SLC10A7: variants seen among roughly 807,000 people sequenced by gnomAD.
SLC10A7 encodes sodium/bile acid cotransporter 7.
A neutral mutation model predicts 43.2 loss-of-function variants in SLC10A7; 29 were observed. The observed-to-expected ratio is 0.67, with a 90% CI of 0.50 to 0.92. The LOEUF (loss-of-function observed/expected upper bound fraction) is 0.92. Among genes scored for constraint, SLC10A7 ranks in the 40% least tolerant of loss-of-function variants. The pLI is 0.00. For missense variants in SLC10A7, 295 were observed against 403.2 expected (o/e 0.73, Z 2.30); for synonymous variants, 152 against 144.8 (o/e 1.05, Z -0.35).
intron 4 of SLC10A7, among the ~76,000 whole-genome samples, chr4:146,443,989 G>A (rs1241938572): frequency 7.9e-5 from 12 of 152,148 alleles, no homozygotes; most frequent in African/African-American, 2.9e-4. Context: ...TCCTGACAGG[G>A]ACAATGGCAT....
intron 4 of SLC10A7, among the ~76,000 whole-genome samples, chr4:146,487,385 C>T (rs1233014358): frequency 1.3e-5 from 2 of 152,164 alleles, no homozygotes; most frequent in Admixed American, 1.3e-4. Context: ...AGCTTCCTTG[C>T]ACCCTAGAGC....
intron 5 of SLC10A7, among the ~76,000 whole-genome samples, chr4:146,420,202 T>C (rs527374848): frequency 6.6e-6 from 1 of 152,346 alleles, no homozygotes; most frequent in South Asian, 2.1e-4. Context: ...ATCTACTATA[T>C]CTACCTCTGG....
chr4:146,313,166 C>T (rs534646345), intron 6 of SLC10A7, among the ~76,000 whole-genome samples: 8 of 152,240 alleles, frequency 5.3e-5, no homozygotes, highest in East Asian at 1.9e-4. Flanking sequence ...TGACCCTACC[C>T]GCTTAAGGAG....
intron 2 of SLC10A7, among the ~76,000 whole-genome samples, chr4:146,510,551 G>T (rs536963993): frequency 1.4e-3 from 215 of 152,104 alleles, no homozygotes; most frequent in Non-Finnish European, 1.5e-3. Context: ...GAGCCACCAC[G>T]CCTGGCCTAA....
intron 10 of SLC10A7, among the ~76,000 whole-genome samples, chr4:146,262,234 A>G (rs1728273702): frequency 2.6e-5 from 4 of 152,238 alleles, no homozygotes; most frequent in African/African-American, 9.6e-5. Flanking sequence ...GTCAGAATAG[A>G]AAGAGAAGTT....
At chr4:146,520,000 A>C (rs1374613895) in intron 1 of SLC10A7, among the ~76,000 whole-genome samples, 3 of 152,244 alleles carry the variant, frequency 2.0e-5, no homozygotes, top group Non-Finnish European at 4.4e-5. Context: ...TGCAGAATCT[A>C]TCTCATACAT....
At chr4:146,263,393 T>G (rs1041991160) in intron 10 of SLC10A7, among the ~76,000 whole-genome samples, 1 of 152,230 alleles carries the variant, frequency 6.6e-6, no homozygotes, top group Non-Finnish European at 1.5e-5. Context: ...AAAAGGAGTG[T>G]GTTGAATGAA....
chr4:146,519,255 T>C (rs1738383415), intron 1 of SLC10A7, among the ~76,000 whole-genome samples: 1 of 142,414 alleles, frequency 7.0e-6, no homozygotes, highest in South Asian at 2.1e-4. Context: ...ATATATTTTA[T>C]ATAATATATA....
intron 5 of SLC10A7, among the ~76,000 whole-genome samples, chr4:146,354,129 T>G (rs1024550748): frequency 4.8e-5 from 7 of 147,310 alleles, no homozygotes; most frequent in Admixed American, 6.8e-5. Flanking sequence ...GATTGTTTAT[T>G]TAGAAAACCC....
At chr4:146,504,302 G>A (rs1045412289) in intron 3 of SLC10A7, among the ~76,000 whole-genome samples, 4 of 152,028 alleles carry the variant, frequency 2.6e-5, no homozygotes, top group African/African-American at 4.8e-5. Context: ...GGCAGATCAC[G>A]AGGTCAGGAG....
In SLC10A7 at chr4:146,254,026, A is replaced by T. The variant is rs1328012052; in HGVS notation, c.*2465T>A. ...TTTGTTTAATCATATAATTATTTTC[A>T]TCTTCCAGTCATCATAAATAATCCA... On this transcript the variant is annotated 3_prime_UTR_variant, in exon 12 of 12. Coordinates refer to ENST00000335472, the MANE Select transcript of SLC10A7 (RefSeq NM_001029998.6). 1 of 152,202 alleles carries T rather than the reference A, an allele frequency of 6.6e-6. No homozygotes were observed. The highest frequency in any genetic ancestry group is 1.5e-5 in the Non-Finnish European group (1 of 68,024). 9.4% of individuals were successfully genotyped at this position (152,202 alleles called of 1,614,324 possible).
At chr4:146,346,109 A>G (rs969062479) in intron 5 of SLC10A7, among the ~76,000 whole-genome samples, 16 of 152,152 alleles carry the variant, frequency 1.1e-4, no homozygotes, top group Non-Finnish European at 1.9e-4. Context: ...TATGGGCCCA[A>G]TCTCCATTTA....
At chr4:146,303,903 G>C in intron 7 of SLC10A7, among the ~76,000 whole-genome samples, 1 of 151,692 alleles carries the variant, frequency 6.6e-6, no homozygotes, top group Admixed American at 6.6e-5. Flanking sequence ...TGAACCTAGA[G>C]CTAGGGAGAT....
chr4:146,418,769 CAG>C (rs938145918), intron 5 of SLC10A7, among the ~76,000 whole-genome samples: 4 of 152,168 alleles, frequency 2.6e-5, no homozygotes, highest in African/African-American at 9.6e-5. Context: ...TCTCCACCTG[CAG>C]AGAGTGTCAG....
chr4:146,496,885 T>C (rs1292889665), intron 4 of SLC10A7, among the ~76,000 whole-genome samples: 1 of 152,192 alleles, frequency 6.6e-6, no homozygotes, highest in African/African-American at 2.4e-5. Flanking sequence ...TAAGACGTTA[T>C]TATCCTTATT....
intron 1 of SLC10A7, among the ~76,000 whole-genome samples, chr4:146,517,547 G>T (rs1738135872): frequency 6.6e-6 from 1 of 152,074 alleles, no homozygotes; most frequent in Non-Finnish European, 1.5e-5. Flanking sequence ...TGTCACCCCT[G>T]GTGTCTTACT....
intron 4 of SLC10A7, among the ~76,000 whole-genome samples, chr4:146,496,692 G>A (rs1735930726): frequency 6.6e-6 from 1 of 152,060 alleles, no homozygotes; most frequent in African/African-American, 2.4e-5. Context: ...TATTTCATCA[G>A]ACAGCATAAA....
At chr4:146,265,779 A>G (rs1224889480) in intron 10 of SLC10A7, among the ~76,000 whole-genome samples, 1 of 152,230 alleles carries the variant, frequency 6.6e-6, no homozygotes, top group Middle Eastern at 3.2e-3. Context: ...ACGCATTCAC[A>G]TACTGCTCTG....
At chr4:146,326,215 C>T (rs1358714864) in intron 5 of SLC10A7, among the ~76,000 whole-genome samples, 1 of 152,246 alleles carries the variant, frequency 6.6e-6, no homozygotes, top group Non-Finnish European at 1.5e-5. Context: ...GCACAACCAC[C>T]AATCTGCCTT....
Sources: allele counts gnomAD v4.1 joint callset (sites outside exome capture counted in the v4.1 genomes callset), GRCh38; gene constraint gnomAD v4.1.1; transcripts MANE v1.5; gene names NCBI Gene and HGNC (gene_info 2026-07-23, HGNC 2026-07-21).